ITGB5: variants seen among roughly 807,000 people sequenced by gnomAD.
ITGB5 encodes the protein integrin subunit beta 5.
Under a neutral mutation model 84.8 loss-of-function variants are expected in ITGB5, and 38 were observed. The observed-to-expected ratio is 0.45, with a 90% CI of 0.35 to 0.59. The LOEUF (loss-of-function observed/expected upper bound fraction) is 0.59. Among genes scored for constraint, ITGB5 ranks in the 20% least tolerant of loss-of-function variants. ITGB5 has a pLI of 0.01. For synonymous variants in ITGB5, 393 were observed against 414.4 expected (o/e 0.95, Z 0.63); for missense variants, 905 against 1,034.5 (o/e 0.87, Z 1.72).
At chr3:124,811,614 T>C (rs1050423574) in intron 8 of ITGB5, among the ~76,000 whole-genome samples, 4 of 152,234 alleles carry the variant, frequency 2.6e-5, no homozygotes, top group African/African-American at 9.6e-5. Flanking sequence ...AAGAGGGACT[T>C]GGACTCCTAC....
upstream of ITGB5, chr3:124,887,915 C>T (rs1579348893): frequency 2.8e-5 from 6 of 212,424 alleles, no homozygotes; most frequent in Admixed American, 1.0e-4. Flanking sequence ...ATTTCTTTTT[C>T]TTTTCTTTTT....
At chr3:124,879,653 G>A (rs968579602) in intron 1 of ITGB5, among the ~76,000 whole-genome samples, 4 of 152,160 alleles carry the variant, frequency 2.6e-5, no homozygotes, top group Non-Finnish European at 4.4e-5. Flanking sequence ...TTCATATAAT[G>A]GAGTGCTAGA....
chr3:124,863,969 TAAAAAAAGAA>T (rs71145491), intron 2 of ITGB5, among the ~76,000 whole-genome samples: 8,259 of 68,720 alleles, frequency 0.12, 281 homozygotes, highest in Middle Eastern at 0.34. Flanking sequence ...TAGTTTAAGG[TAAAAAAAGAA>T]AAAAAAAGAA....
At chr3:124,780,116 G>A (rs545167969) in intron 10 of ITGB5, among the ~76,000 whole-genome samples, 2 of 122,534 alleles carry the variant, frequency 1.6e-5, no homozygotes, top group South Asian at 2.8e-4. Context: ...CAGGGCACGG[G>A]GACCCTCAGG....
intron 1 of ITGB5, among the ~76,000 whole-genome samples, chr3:124,875,627 T>C (rs1331309602): frequency 2.0e-5 from 3 of 152,206 alleles, no homozygotes; most frequent in Non-Finnish European, 2.9e-5. Flanking sequence ...AGAAGTACTA[T>C]GTGTTCCAGC....
At chr3:124,860,458 C>A (rs1274686938) in intron 2 of ITGB5, among the ~76,000 whole-genome samples, 1 of 152,148 alleles carries the variant, frequency 6.6e-6, no homozygotes, top group Non-Finnish European at 1.5e-5. Flanking sequence ...ATGATAACGA[C>A]ACATTGATAA....
chr3:124,853,718 G>A lies in ITGB5; in HGVS notation c.362-5160C>T, dbSNP rs980255440. 7.9e-5 allele frequency among the ~76,000 whole-genome samples: 12 copies of A among 152,294 alleles called. No individual in the cohort carries two copies. In the East Asian group the frequency reaches 2.3e-3, roughly 29 times the overall value. On this transcript the variant is annotated intron_variant, in intron 3 of 14. Coordinates refer to ENST00000296181, the MANE Select transcript of ITGB5 (RefSeq NM_002213.5). ...GAAACCCAAAAGCAACCAATTACCTGTAGTTTAGTTAATAGTATTGTAACC... is the reference window on the plus strand; with the variant it reads ...GAAACCCAAAAGCAACCAATTACCTATAGTTTAGTTAATAGTATTGTAACC...
intron 3 of ITGB5, among the ~76,000 whole-genome samples, chr3:124,853,834 T>C (rs371145240): frequency 1.5e-4 from 23 of 152,348 alleles, no homozygotes; most frequent in African/African-American, 5.5e-4. Flanking sequence ...AACATCTCTG[T>C]GTTACTTTTG....
intron 10 of ITGB5, among the ~76,000 whole-genome samples, chr3:124,789,366 A>ACTAGACAGGGTTAACAGAACCGCCTCTG (rs2064124893): frequency 6.6e-6 from 1 of 150,860 alleles, no homozygotes; most frequent in African/African-American, 2.5e-5. Context: ...AACTGCCTTT[A>ACTAGACAGGGTTAACAGAACCGCCTCTG]ACTAGACAGG....
At chr3:124,820,016 A>G (rs1445586298) in intron 6 of ITGB5, among the ~76,000 whole-genome samples, 182 bp from the exon 7 acceptor site, 1 of 152,154 alleles carries the variant, frequency 6.6e-6, no homozygotes, top group Admixed American at 6.5e-5. Flanking sequence ...AACTGAGTAG[A>G]GGAGACCCTC....
upstream of ITGB5, chr3:124,887,551 C>T (rs764769004): frequency 1.9e-5 from 5 of 269,358 alleles, no homozygotes; most frequent in South Asian, 1.2e-4. Context: ...GGGACCGGCC[C>T]GGGACGCGGA....
At chr3:124,847,451 A>G (rs1368162379) in intron 4 of ITGB5, among the ~76,000 whole-genome samples, 1 of 152,026 alleles carries the variant, frequency 6.6e-6, no homozygotes. Flanking sequence ...CACTAATCCT[A>G]TTTCTTCTGA....
Position 124,764,542 on chromosome 3 carries a change from G to A in ITGB5, c.2153C>T (p.Pro718Leu), listed in dbSNP as rs367764630. The A allele has an allele frequency of 2.9e-5, 46 of 1,612,306 alleles. No individual in the cohort carries two copies. Among genetic ancestry groups the A allele is most frequent in the Admixed American group, 5.0e-5 (3 of 59,990 alleles). ...VLREPECGNTPNAMTILLAVV... is the reference protein window; with the variant it reads ...VLREPECGNTLNAMTILLAVV... ...AGCCAGGAGGATGGTCATGGCGTTG[G>A]GGGTGTTTCCACACTCTGGGGGGAC... The change falls in exon 14 of 15, where the codon CCC becomes CTC. Residue 718 changes from proline (P) to leucine (L), a missense_variant. Coordinates refer to ENST00000296181, the MANE Select transcript of ITGB5 (RefSeq NM_002213.5).
intron 9 of ITGB5, among the ~76,000 whole-genome samples, chr3:124,807,004 T>A (rs2064415866): frequency 6.6e-6 from 1 of 152,232 alleles, no homozygotes; most frequent in Non-Finnish European, 1.5e-5. Context: ...ATTTCTATTT[T>A]TCATTTGTAG....
chr3:124,807,437 A>T (rs75572281), intron 9 of ITGB5, among the ~76,000 whole-genome samples: 7,919 of 152,142 alleles, frequency 0.052, 488 homozygotes, highest in African/African-American at 0.14. Context: ...ATAAATAAAT[A>T]AATTATCATT....
chr3:124,774,241 T>G (rs143148451), intron 10 of ITGB5, among the ~76,000 whole-genome samples: 1 of 152,302 alleles, frequency 6.6e-6, no homozygotes, highest in East Asian at 1.9e-4. Context: ...ATGTTCCCAC[T>G]CCAATCCCCA....
At chr3:124,899,333 A>G (rs1026682985) in intron 1 of ITGB5, among the ~76,000 whole-genome samples, 1 of 152,188 alleles carries the variant, frequency 6.6e-6, no homozygotes, top group South Asian at 2.1e-4. Flanking sequence ...ATTTTCCCTC[A>G]GGAAGTTCAG....
At chr3:124,878,547 T>TA (rs1934429317) in intron 1 of ITGB5, 1 of 145,164 alleles carries the variant, frequency 6.9e-6, no homozygotes, top group African/African-American at 2.5e-5. Context: ...TAACACACCC[T>TA]AAACGCTGAG....
At chr3:124,776,825 G>A (rs981100322) in intron 10 of ITGB5, among the ~76,000 whole-genome samples, 9 of 152,226 alleles carry the variant, frequency 5.9e-5, no homozygotes, top group African/African-American at 1.2e-4. Flanking sequence ...CAAATACAAT[G>A]TGGCACAATA....
Sources: gnomAD v4.1 joint callset for allele counts (sites outside exome capture counted in the v4.1 genomes callset) on GRCh38, gnomAD v4.1.1 for gene constraint, MANE v1.5 for transcripts, NCBI Gene and HGNC (gene_info 2026-07-23, HGNC 2026-07-21) for gene names.